The following ATP2C2 variants were observed in gnomAD, a reference collection of about 807,000 sequenced individuals.
ATP2C2 encodes the protein calcium-transporting ATPase type 2C member 2.
ATP2C2 carries 171 observed loss-of-function variants against 110.8 expected under a neutral mutation model. The ratio of observed to expected loss-of-function variants is 1.54; its 90% CI spans 1.36 to 1.75. The LOEUF (loss-of-function observed/expected upper bound fraction) is 1.75, where lower values mean the gene tolerates loss of function less well. ATP2C2 is among the 40% of genes most tolerant of loss of function. ATP2C2 has a pLI of 0.00. For synonymous variants in ATP2C2, 804 were observed against 508.4 expected (o/e 1.58, Z -7.82); for missense variants, 1,963 against 1,235.0 (o/e 1.59, Z -8.84).
rs184408463 is a variant in ATP2C2, at chr16:84,406,537, C to T, written c.327+1293C>T. The T allele has an allele frequency of 9.3e-4, 884 of 946,288 alleles. 6 individuals are homozygous for T. In the African/African-American group the frequency reaches 0.015, roughly 16 times the overall value. The allele number at this position is 946,288 out of a possible 1,614,324, so 58.6% of individuals were successfully genotyped here. A position where few individuals can be genotyped will look rare whatever the true frequency, so the allele number is the denominator to read the frequency against. On this transcript the variant is annotated intron_variant, in intron 3 of 26. Transcript: ENST00000262429. ...CCGGAACCAATCACAGTCCCCTGGG[C>T]AGCATCCTCTGTCTCCACTCTCCTT...
chr16:84,461,166 G>C (rs16973858), intron 24 of ATP2C2: 1 of 266,008 alleles, frequency 3.8e-6, no homozygotes, highest in African/African-American at 2.2e-5. Flanking sequence ...GTGATTGTTT[G>C]CTTTGGATCT....
At position 84,449,126 on chromosome 16, in the gene ATP2C2, A is replaced by C. The variant is rs185063311; in HGVS notation, c.1660+437A>C. Among the ~76,000 whole-genome samples the C allele has an allele frequency of 2.6e-5, 4 of 152,220 alleles. No individual in the cohort carries two copies. The East Asian group carries it at 5.8e-4, about 22-fold the overall frequency. ...GGCTGAACTGAACATTAAATCTCAC[A>C]TTTCCCTTGGTGTCATTTGTCACCC... is the stretch of plus-strand genomic sequence containing the variant. On this transcript the variant is annotated intron_variant, in intron 17 of 26. Coordinates refer to ENST00000262429, the MANE Select transcript of ATP2C2 (RefSeq NM_014861.4).
intron 2 of ATP2C2, among the ~76,000 whole-genome samples, chr16:84,401,411 G>A (rs763859299): frequency 6.6e-6 from 1 of 152,108 alleles, no homozygotes; most frequent in African/African-American, 2.4e-5. Flanking sequence ...TCTTGGTAGA[G>A]CTGGGGTTTT....
At chr16:84,459,073 C>G (rs1157619015) in intron 21 of ATP2C2, 47 bp from the exon 22 acceptor site, 5 of 1,601,970 alleles carry the variant, frequency 3.1e-6, no homozygotes, top group South Asian at 1.1e-5. Context: ...CTGGTCCAGC[C>G]CTCACGCAGG....
intron 7 of ATP2C2, among the ~76,000 whole-genome samples, chr16:84,419,918 T>C (rs1907176607): frequency 6.6e-6 from 1 of 152,184 alleles, no homozygotes; most frequent in Non-Finnish European, 1.5e-5. Context: ...TTGCCTGGCC[T>C]GGTGCACTCA....
In ATP2C2 at chr16:84,430,216, C is replaced by G. The variant is rs190692376; in HGVS notation, c.986+4415C>G. ...CCCTTAGCAGCAGGCACTGGGCTGC[C>G]GGGAGAAGGGGGTGGATGGACAACA... On this transcript the variant is annotated intron_variant, in intron 11 of 26. Coordinates refer to ENST00000262429, the MANE Select transcript of ATP2C2 (RefSeq NM_014861.4). Among the ~76,000 whole-genome samples the G allele has an allele frequency of 1.2e-4, 18 of 152,198 alleles. No homozygotes were observed. The East Asian group carries it at 3.5e-3, about 29-fold the overall frequency.
intron 6 of ATP2C2, among the ~76,000 whole-genome samples, chr16:84,412,631 A>T (rs371648765): frequency 6.6e-6 from 1 of 152,060 alleles, no homozygotes; most frequent in Non-Finnish European, 1.5e-5. Context: ...AGCTCATTCT[A>T]AGCTTAACTT....
chr16:84,450,461 G>A (rs140528809), intron 17 of ATP2C2, among the ~76,000 whole-genome samples: 110 of 152,304 alleles, frequency 7.2e-4, no homozygotes, highest in African/African-American at 2.5e-3. Flanking sequence ...GGGAAGGAGA[G>A]TTGGGGTGAG....
chr16:84,394,711 C>T (rs1339837923), intron 1 of ATP2C2, among the ~76,000 whole-genome samples: 2 of 152,152 alleles, frequency 1.3e-5, no homozygotes, highest in African/African-American at 2.4e-5. Context: ...CCCCAGCATT[C>T]ATTGACCGAT....
At chr16:84,386,776 A>C (rs1345891576) in intron 1 of ATP2C2, among the ~76,000 whole-genome samples, 1 of 152,128 alleles carries the variant, frequency 6.6e-6, no homozygotes, top group Non-Finnish European at 1.5e-5. Context: ...TTTAAAGAGG[A>C]GGAAACTGTG....
rs995029494 is a variant in ATP2C2 at position 84,425,745 on chromosome 16, G to C, written c.930G>C (p.Met310Ile). The change falls in exon 11 of 27, where the codon ATG becomes ATC. Residue 310 changes from methionine (M) to isoleucine (I), a missense_variant. Met to Ile is a conservative substitution (Grantham distance 10). Transcript: ENST00000262429. ...LFSFGIIGLIMLIGWSQGKQL... is the reference protein window; with the variant it reads ...LFSFGIIGLIILIGWSQGKQL... ...TTGTCTCTTCCCCAGGTCTCATCAT[G>C]CTCATTGGCTGGTCGCAAGGGAAAC... 2.5e-6 allele frequency: 4 copies of C among 1,614,116 alleles called. No homozygotes were observed. The highest frequency in any genetic ancestry group is 3.4e-6 in the Non-Finnish European group (4 of 1,180,014).
chr16:84,398,666 A>G lies in ATP2C2; in HGVS notation c.210+57A>G. On this transcript the variant is annotated intron_variant, in intron 2 of 26. Transcript: ENST00000262429. ...GTGATAAGGTTTTATGTTTAAAAGA[A>G]AGCAACACAAAGCCCTGAACAGTGC... is the stretch of plus-strand genomic sequence containing the variant. The G allele has an allele frequency of 5.9e-6, 8 of 1,352,756 alleles. No homozygotes were observed. In the South Asian group the frequency reaches 1.0e-4, roughly 17 times the overall value. The allele number at this position is 1,352,756 out of a possible 1,614,324, so 83.8% of individuals were successfully genotyped here. A position where few individuals can be genotyped will look rare whatever the true frequency, so the allele number is the denominator to read the frequency against.
chr16:84,399,459 G>C (rs1283469417), intron 2 of ATP2C2, among the ~76,000 whole-genome samples: 1 of 152,166 alleles, frequency 6.6e-6, no homozygotes. Flanking sequence ...CAGTTTTCTT[G>C]TTATTGGCTT....
At chr16:84,416,824 G>T (rs570068626) in intron 7 of ATP2C2, among the ~76,000 whole-genome samples, 7 of 152,162 alleles carry the variant, frequency 4.6e-5, no homozygotes, top group Admixed American at 2.6e-4. Context: ...GCATGGATCC[G>T]GTCAGAGGAA....
intron 1 of ATP2C2, 27 bp downstream of exon 1, chr16:84,368,741 C>T: frequency 1.4e-6 from 2 of 1,475,072 alleles, no homozygotes; most frequent in Non-Finnish European, 1.8e-6. Flanking sequence ...CCGCGCCGGG[C>T]GTGCGACCCG....
In ATP2C2 at chr16:84,430,215, C is replaced by A. The variant is rs78371157; in HGVS notation, c.986+4414C>A. Among the ~76,000 whole-genome samples, 556 of 152,200 alleles carry A rather than the reference C, an allele frequency of 3.7e-3. 3 individuals are homozygous for A. Among genetic ancestry groups the A allele is most frequent in the African/African-American group, 0.013 (522 of 41,516 alleles). ...CCCCTTAGCAGCAGGCACTGGGCTG[C>A]CGGGAGAAGGGGGTGGATGGACAAC... On this transcript the variant is annotated intron_variant, in intron 11 of 26. Coordinates refer to ENST00000262429, the MANE Select transcript of ATP2C2 (RefSeq NM_014861.4).
At chr16:84,409,511 T>C (rs1283852865) in intron 4 of ATP2C2, among the ~76,000 whole-genome samples, 2 of 151,332 alleles carry the variant, frequency 1.3e-5, no homozygotes, top group Non-Finnish European at 2.9e-5. Context: ...CCTGAGCACA[T>C]TTTTTTTTCT....
Position 84,368,580 on chromosome 16 carries a change from A to T in ATP2C2, c.-36A>T, listed in dbSNP as rs938492347. On this transcript the variant is annotated 5_prime_UTR_variant, in exon 1 of 27. Coordinates refer to ENST00000262429, the MANE Select transcript of ATP2C2 (RefSeq NM_014861.4). ...GCAGCCATCCCGGGCCTCGCCGGGG[A>T]CCTAGGGACGCAGGCAACGCCTGCG... 3.4e-6 allele frequency: 5 copies of T among 1,484,482 alleles called. No homozygotes were observed. Among genetic ancestry groups the T allele is most frequent in the African/African-American group, 1.4e-5 (1 of 69,046 alleles). The allele number at this position is 1,484,482 out of a possible 1,614,324, so 92.0% of individuals were successfully genotyped here.
intron 17 of ATP2C2, among the ~76,000 whole-genome samples, chr16:84,450,728 T>C (rs1420724762): frequency 6.6e-6 from 1 of 152,218 alleles, no homozygotes; most frequent in East Asian, 1.9e-4. Flanking sequence ...GGGCAGGAGC[T>C]GGGCCTGGCT....
Sources: gnomAD v4.1 joint callset for allele counts (sites outside exome capture counted in the v4.1 genomes callset) on GRCh38, gnomAD v4.1.1 for gene constraint, MANE v1.5 for transcripts, NCBI Gene and HGNC (gene_info 2026-07-23, HGNC 2026-07-21) for gene names.